Variants in DDX60 observed in about 807,000 individuals in gnomAD.
DDX60 encodes DExD/H-box helicase 60.
In DDX60, 165 loss-of-function variants were observed where a neutral mutation model predicts 212.8. The ratio of observed to expected loss-of-function variants is 0.78; its 90% confidence interval spans 0.68 to 0.88. The LOEUF is 0.88. Ranked by LOEUF, DDX60 falls within the 40% of genes least tolerant of loss-of-function variation. DDX60 has a pLI of 0.00. For missense variants in DDX60, 1,905 were observed against 2,003.9 expected (o/e 0.95, Z 0.94); for synonymous variants, 703 against 685.3 (o/e 1.03, Z -0.40).
intron 4 of DDX60, 102 bp from the exon 5 acceptor site, chr4:168,306,822 G>C (rs1736904940): frequency 1.2e-6 from 1 of 852,854 alleles, no homozygotes; most frequent in African/African-American, 1.7e-5. Flanking sequence ...AAATCCAACA[G>C]TTTTGTTCTG....
At chr4:168,262,841 C>T (rs1410338763) in intron 22 of DDX60, 54 bp from the exon 23 acceptor site, 1 of 1,252,500 alleles carries the variant, frequency 8.0e-7, no homozygotes, top group Non-Finnish European at 1.1e-6. Flanking sequence ...ATGTCGTATC[C>T]TTTGCCTCTT....
At chr4:168,308,266 A>C in intron 3 of DDX60, 71 bp from the exon 4 acceptor site, 2 of 877,542 alleles carry the variant, frequency 2.3e-6, no homozygotes, top group Admixed American at 6.2e-5. Flanking sequence ...CATCGTTCTT[A>C]TTAGCTCATT....
In DDX60 at chr4:168,276,085, C is replaced by T. The variant is rs770358222; in HGVS notation, c.2075G>A (p.Arg692Gln). Reference sequence around the variant, plus strand: ...CTTAAGGCATCTGGCTATGAGTTGCCGATCATCTTCTTGTAAAAGTTCTGA... The same window carrying T: ...CTTAAGGCATCTGGCTATGAGTTGCTGATCATCTTCTTGTAAAAGTTCTGA... Reference protein sequence around the residue: ...KYSELLQEDDRQLIARCLKYL... With the variant: ...KYSELLQEDDQQLIARCLKYL... The change falls in exon 15 of 38, where the codon CGG (arginine) becomes CAG (glutamine). Residue 692 changes from arginine (R) to glutamine (Q), a missense_variant. Transcript: ENST00000393743. 8.1e-5 allele frequency: 131 copies of T among 1,613,490 alleles called. No homozygotes were observed. The highest frequency in any genetic ancestry group is 1.6e-4 in the Middle Eastern group (1 of 6,080).
At chr4:168,321,597 C>T (rs373155885), upstream of DDX60, among the ~76,000 whole-genome samples, 4 of 152,272 alleles carry the variant, frequency 2.6e-5, no homozygotes, top group Admixed American at 2.0e-4. Flanking sequence ...GATAGACCAT[C>T]TCTTCTGTTT....
intron 10 of DDX60, among the ~76,000 whole-genome samples, chr4:168,285,896 A>AAAGG (rs368802134): frequency 0.062 from 7,141 of 114,486 alleles, 278 homozygotes; most frequent in East Asian, 0.094. Context: ...AGGAGGGAAG[A>AAAGG]AAGGAAGGAA....
rs1262644681 is a variant in DDX60 at position 168,297,376 on chromosome 4, AAGAAAG to A, written c.724-3437_724-3432del. On this transcript the variant is annotated intron_variant, in intron 6 of 37. Coordinates refer to ENST00000393743, the MANE Select transcript of DDX60 (RefSeq NM_017631.6). ...AAAGAAAGAAAGAAAGAAAGAAAGAAAGAAAGAGAAAGAAAGAAAGAAAGAAAGACA... is the reference window on the plus strand; with the variant it reads ...AAAGAAAGAAAGAAAGAAAGAAAGAAAGAAAGAAAGAAAGAAAGAAAGACA... Among the ~76,000 whole-genome samples the A allele has an allele frequency of 6.8e-3, 380 of 56,124 alleles. 38 individuals are homozygous for A. Among genetic ancestry groups the A allele is most frequent in the African/African-American group, 0.017 (137 of 7,960 alleles). 36.8% of individuals were successfully genotyped at this position (56,124 alleles called of 152,430 possible). A position where few individuals can be genotyped will look rare whatever the true frequency, so the allele number is the denominator to read the frequency against.
At chr4:168,294,001 G>A in intron 6 of DDX60, 56 bp from the exon 7 acceptor site, 1 of 1,525,340 alleles carries the variant, frequency 6.6e-7, no homozygotes, top group Non-Finnish European at 8.9e-7. Context: ...ATTTTTATTT[G>A]TAAGTGATCT....
At chr4:168,283,326 A>G in intron 13 of DDX60, 120 bp downstream of exon 13, 1 of 795,712 alleles carries the variant, frequency 1.3e-6, no homozygotes, top group Non-Finnish European at 2.0e-6. Flanking sequence ...ACAAAAATAT[A>G]TGCATATAAA....
At chr4:168,316,967 A>T (rs1053627736) in intron 1 of DDX60, among the ~76,000 whole-genome samples, 1 of 151,392 alleles carries the variant, frequency 6.6e-6, no homozygotes, top group Non-Finnish European at 1.5e-5. Flanking sequence ...CTGAGGTAGA[A>T]GAATCGCTTG....
At chr4:168,218,315 C>T (rs1732923582) in intron 37 of DDX60, among the ~76,000 whole-genome samples, 1 of 152,072 alleles carries the variant, frequency 6.6e-6, no homozygotes, top group African/African-American at 2.4e-5. Flanking sequence ...CATTCTCATC[C>T]CCAAATGTCA....
chr4:168,262,154 G>A, intron 23 of DDX60, 26 bp from the exon 24 acceptor site: 2 of 1,562,248 alleles, frequency 1.3e-6, no homozygotes, highest in East Asian at 2.3e-5. Flanking sequence ...TACAAAATTA[G>A]GCACAATCAT....
chr4:168,315,645 C>G (rs952552626), intron 1 of DDX60, among the ~76,000 whole-genome samples: 1 of 152,134 alleles, frequency 6.6e-6, no homozygotes, highest in Non-Finnish European at 1.5e-5. Context: ...TCTCATTGTT[C>G]CACTCCCACT....
chr4:168,255,918 T>C, intron 25 of DDX60, 49 bp from the exon 26 acceptor site: 2 of 1,527,300 alleles, frequency 1.3e-6, no homozygotes, highest in South Asian at 1.3e-5. Context: ...ATAAATACAA[T>C]TCAAAACCAT....
chr4:168,248,970 G>T (rs1335356865), intron 28 of DDX60, among the ~76,000 whole-genome samples: 2 of 152,096 alleles, frequency 1.3e-5, no homozygotes, highest in African/African-American at 4.8e-5. Context: ...ATGTTGGCTA[G>T]GCTGGTCTTG....
rs566499604 is a variant in DDX60, at chr4:168,269,380, C to T, written c.2671-411G>A. Among the ~76,000 whole-genome samples, 138 of 152,178 alleles carry T rather than the reference C, an allele frequency of 9.1e-4. 1 individual carries two copies. The highest frequency in any genetic ancestry group is 1.5e-3 in the Non-Finnish European group (100 of 67,990). ...TTGGGAGGCCGAGGAGGGCGGATCA[C>T]GAGGTCAGGAGATCGAGGCCATCCT... is the stretch of plus-strand genomic sequence containing the variant. On this transcript the variant is annotated intron_variant, in intron 19 of 37. Transcript: ENST00000393743.
intron 13 of DDX60, among the ~76,000 whole-genome samples, chr4:168,281,652 G>T (rs1359418629): frequency 1.3e-5 from 2 of 152,152 alleles, no homozygotes; most frequent in African/African-American, 4.8e-5. Context: ...TTACCAACCT[G>T]ACTCATTAAT....
Position 168,283,563 on chromosome 4 carries a change from A to G in DDX60, c.1605T>C (p.Tyr535=), listed in dbSNP as rs1364418438. The G allele has an allele frequency of 1.9e-6, 3 of 1,613,428 alleles. No homozygotes were observed. The highest frequency in any genetic ancestry group is 1.3e-5 in the African/African-American group (1 of 75,034). ...DPRVLRSVQK[Y]HVFQRFYGNS... is the part of the protein sequence containing the mutation. ...TCCCATAAAACCGTTGGAAAACATG[A>G]TACTTTTGCACAGATCTAAGAACAC... The change falls in exon 13 of 38, where the codon TAT becomes TAC. Residue 535 remains tyrosine (Y), a synonymous_variant. Transcript: ENST00000393743.
intron 24 of DDX60, among the ~76,000 whole-genome samples, chr4:168,261,246 C>T (rs1332911315): frequency 2.0e-5 from 3 of 152,064 alleles, no homozygotes; most frequent in Admixed American, 2.0e-4. Flanking sequence ...CAATACAAAT[C>T]AGGAATAGAA....
rs369684002 is a variant in DDX60 at position 168,306,606 on chromosome 4, A to G, written c.379T>C (p.Leu127=). The change falls in exon 5 of 38, where the codon TTA becomes CTA. Residue 127 remains leucine (L), a synonymous_variant. Transcript: ENST00000393743. ...IDVRTTFSRC[L]SKEWGSFLEE... Reference sequence around the variant, plus strand: ...AAGAAACTTCCCCACTCTTTTGATAAGCATCTCGAAAATGTTGTTCGAACA... The same window carrying G: ...AAGAAACTTCCCCACTCTTTTGATAGGCATCTCGAAAATGTTGTTCGAACA... 10 of 1,614,036 alleles carry G rather than the reference A, an allele frequency of 6.2e-6. No homozygotes were observed. The Admixed American group carries it at 6.7e-5, about 11-fold the overall frequency.
Sources: allele counts gnomAD v4.1 joint callset (sites outside exome capture counted in the v4.1 genomes callset), GRCh38; gene constraint gnomAD v4.1.1; transcripts MANE v1.5; gene names NCBI Gene and HGNC (gene_info 2026-07-23, HGNC 2026-07-21).